ZBTB40: variants seen among roughly 807,000 people sequenced by gnomAD.
ZBTB40 encodes zinc finger and BTB domain-containing protein 40.
A neutral mutation model predicts 117.5 loss-of-function variants in ZBTB40; 60 were observed. The ratio of observed to expected loss-of-function variants is 0.51; its 90% CI spans 0.41 to 0.63. ZBTB40 has a LOEUF of 0.63. Among genes scored for constraint, ZBTB40 ranks in the 30% least tolerant of loss-of-function variants. ZBTB40 has a pLI of 0.00. For synonymous variants in ZBTB40, 525 were observed against 577.1 expected, an observed-to-expected ratio of 0.91 and a Z score of 1.29; for missense variants, 1,287 against 1,498.5, an observed-to-expected ratio of 0.86 and a Z score of 2.33.
intron 1 of ZBTB40, among the ~76,000 whole-genome samples, chr1:22,462,325 A>G (rs946843923): frequency 1.3e-5 from 2 of 152,138 alleles, no homozygotes; most frequent in Non-Finnish European, 2.9e-5. Context: ...AGGTCATTTA[A>G]TCTCTCTAGG....
chr1:22,474,236 C>T (rs2124408720), intron 1 of ZBTB40, among the ~76,000 whole-genome samples: 1 of 152,292 alleles, frequency 6.6e-6, no homozygotes, highest in East Asian at 1.9e-4. Flanking sequence ...AACCGAAGCA[C>T]ACTAGCATTT....
chr1:22,445,637 C>A (rs1330822559), intron 1 of ZBTB40, among the ~76,000 whole-genome samples: 1 of 152,136 alleles, frequency 6.6e-6, no homozygotes, highest in East Asian at 1.9e-4. Context: ...GTGGGCGGAT[C>A]ATGAGGTCAG....
At chr1:22,514,975 CAAAT>C (rs1038717315) in intron 12 of ZBTB40, among the ~76,000 whole-genome samples, 11 of 152,266 alleles carry the variant, frequency 7.2e-5, no homozygotes, top group African/African-American at 2.4e-4. Context: ...TGACAATAAA[CAAAT>C]AAATATATAG....
At chr1:22,497,437 G>A (rs1383518359) in intron 3 of ZBTB40, among the ~76,000 whole-genome samples, 1 of 152,164 alleles carries the variant, frequency 6.6e-6, no homozygotes, top group African/African-American at 2.4e-5. Context: ...GTGAGTTAAT[G>A]AGATTCGTTT....
intron 9 of ZBTB40, among the ~76,000 whole-genome samples, chr1:22,510,755 T>G (rs554839287): frequency 6.6e-6 from 1 of 152,326 alleles, no homozygotes; most frequent in South Asian, 2.1e-4. Context: ...CAGAATTACT[T>G]CCAGACATTG....
chr1:22,530,788 T>G lies in ZBTB40; in HGVS notation c.*4392T>G, dbSNP rs1639809251. On this transcript the variant is annotated 3_prime_UTR_variant, in exon 18 of 18. Coordinates refer to ENST00000375647, the MANE Select transcript of ZBTB40 (RefSeq NM_014870.4). ...CAGACGGGGACAGGGGTGATAGGCCTGGTGTCCTAGGGGCCATTTGTGTAC... is the reference window on the plus strand; with the variant it reads ...CAGACGGGGACAGGGGTGATAGGCCGGGTGTCCTAGGGGCCATTTGTGTAC... 1 of 152,294 alleles carries G rather than the reference T, an allele frequency of 6.6e-6. No individual in the cohort carries two copies. The highest frequency in any genetic ancestry group is 1.5e-5 in the Non-Finnish European group (1 of 68,044). 9.4% of individuals were successfully genotyped at this position (152,294 alleles called of 1,614,324 possible).
intron 1 of ZBTB40, among the ~76,000 whole-genome samples, chr1:22,433,622 T>C (rs1003327433): frequency 2.0e-5 from 3 of 146,974 alleles, no homozygotes; most frequent in African/African-American, 7.4e-5. Flanking sequence ...GATTTTGATA[T>C]ACGGGGGTGG....
At chr1:22,492,889 A>G (rs575733831) in intron 3 of ZBTB40, among the ~76,000 whole-genome samples, 64 of 152,166 alleles carry the variant, frequency 4.2e-4, no homozygotes, top group Non-Finnish European at 8.2e-4. Flanking sequence ...TCAATCCATC[A>G]TTTTTGTCAT....
rs777221549 is a variant in ZBTB40, at chr1:22,506,167, T to TGAA, written c.1289_1291dup (p.Lys430dup). 22 of 1,614,092 alleles carry TGAA rather than the reference T, an allele frequency of 1.4e-5. No homozygotes were observed. Among genetic ancestry groups the TGAA allele is most frequent in the Non-Finnish European group, 1.5e-5 (18 of 1,180,040 alleles). The stretch of plus-strand genomic sequence containing the variant: ...GGTTTGGTAAAACTCCTCCAGGCTG[T>TGAA]GAAGACGACTTTCCCAAACCTGGGC... On this transcript the variant is annotated inframe_insertion, in exon 6 of 18. Coordinates refer to ENST00000375647, the MANE Select transcript of ZBTB40 (RefSeq NM_014870.4).
chr1:22,433,080 C>T (rs1262980488), intron 1 of ZBTB40, among the ~76,000 whole-genome samples: 2 of 152,042 alleles, frequency 1.3e-5, no homozygotes, highest in Non-Finnish European at 2.9e-5. Context: ...ATGGATTCAA[C>T]CAACACCAGA....
chr1:22,518,223 T>C (rs182340271), intron 13 of ZBTB40, among the ~76,000 whole-genome samples: 2 of 152,330 alleles, frequency 1.3e-5, no homozygotes. Context: ...GCTTGGAGTC[T>C]GGAATCACAC....
Position 22,491,387 on chromosome 1 carries a change from G to A in ZBTB40, c.698-13G>A, listed in dbSNP as rs779711798. On this transcript the variant is annotated splice_polypyrimidine_tract_variant and intron_variant, in intron 2 of 17. Coordinates refer to ENST00000375647, the MANE Select transcript of ZBTB40 (RefSeq NM_014870.4). ...ATGAATTTCTGATTTGTTTTATTTT[G>A]TTCTACATTTAGGATGTGAAAGGAA... 2.4e-5 allele frequency: 38 copies of A among 1,613,082 alleles called. No individual in the cohort carries two copies. Among genetic ancestry groups the A allele is most frequent in the Non-Finnish European group, 3.1e-5 (36 of 1,179,690 alleles).
In ZBTB40 at chr1:22,490,205, G is replaced by A; in HGVS notation, c.257G>A (p.Gly86Asp). 6.2e-7 allele frequency: 1 copy of A among 1,614,180 alleles called. No individual in the cohort carries two copies. The highest frequency in any genetic ancestry group is 8.5e-7 in the Non-Finnish European group (1 of 1,180,044). ...ATGTACACGGGCAAACTACCTGTGG[G>A]CAAGCACAACTTCTCCAAAATCATC... ...EMMYTGKLPV[G>D]KHNFSKIISL... The change falls in exon 2 of 18, where the codon GGC (glycine) becomes GAC (aspartate). Residue 86 changes from glycine to aspartate, a missense_variant. Gly to Asp is a moderately conservative substitution (Grantham distance 94). Coordinates refer to ENST00000375647, the MANE Select transcript of ZBTB40 (RefSeq NM_014870.4).
In ZBTB40 at chr1:22,464,315, C is replaced by T. The variant is rs116825294; in HGVS notation, c.-70+12311C>T. On this transcript the variant is annotated intron_variant, in intron 1 of 17. Transcript: ENST00000375647. ...ACTAAGCTACATTGCTCATGAAAGC[C>T]GTGGGCCCTCTCCCCCAGAAAGGGT... Among the ~76,000 whole-genome samples the T allele has an allele frequency of 8.7e-3, 1,330 of 152,318 alleles. 10 individuals carry two copies. Among genetic ancestry groups the T allele is most frequent in the African/African-American group, 0.03 (1,261 of 41,584 alleles).
At position 22,489,945 on chromosome 1, in the gene ZBTB40, C is replaced by T. The variant is rs367934930; in HGVS notation, c.-4C>T. 1.4e-5 allele frequency: 22 copies of T among 1,609,584 alleles called. No homozygotes were observed. The highest frequency in any genetic ancestry group is 6.7e-5 in the East Asian group (3 of 44,860). ...AGAGCAGTTCTTGGGGCAGAGTTGA[C>T]GCAATGGAGCTCCCCAACTACAGCC... On this transcript the variant is annotated 5_prime_UTR_variant, in exon 2 of 18. It adds an upstream start codon to the 5' untranslated region. Transcript: ENST00000375647.
intron 8 of ZBTB40, 53 bp downstream of exon 8, chr1:22,508,784 G>C: frequency 4.5e-6 from 7 of 1,562,210 alleles, no homozygotes; most frequent in East Asian, 2.3e-5. Flanking sequence ...ATGACTGTCA[G>C]TCTTCCTAGA....
At chr1:22,435,470 A>ATCTC (rs144016060) in intron 1 of ZBTB40, among the ~76,000 whole-genome samples, 5 of 149,572 alleles carry the variant, frequency 3.3e-5, no homozygotes, top group Non-Finnish European at 7.4e-5. Context: ...CTTCCCCCAC[A>ATCTC]TCTCTCTCTC....
At chr1:22,449,104 G>A (rs1271822324), upstream of ZBTB40, among the ~76,000 whole-genome samples, 2 of 152,044 alleles carry the variant, frequency 1.3e-5, no homozygotes, top group African/African-American at 4.8e-5. Context: ...GTGAGCCACC[G>A]CAGCCGGCCG....
chr1:22,442,865 C>T (rs923106664), intron 1 of ZBTB40, among the ~76,000 whole-genome samples: 6 of 152,306 alleles, frequency 3.9e-5, no homozygotes, highest in African/African-American at 1.4e-4. Context: ...AGAACTATAT[C>T]ATTCTCCCTT....
Sources: allele counts gnomAD v4.1 joint callset (sites outside exome capture counted in the v4.1 genomes callset), GRCh38; gene constraint gnomAD v4.1.1; transcripts MANE v1.5; gene names NCBI Gene and HGNC (gene_info 2026-07-23, HGNC 2026-07-21).